The following NBEA variants were observed in gnomAD, a reference collection of about 807,000 sequenced individuals.
NBEA encodes lysosomal-trafficking regulator 2.
In NBEA, 44 loss-of-function variants were observed where a neutral mutation model predicts 343.4. That is an observed-to-expected ratio of 0.13 (90% CI 0.10 to 0.16). The LOEUF (loss-of-function observed/expected upper bound fraction) is 0.16. NBEA is among the 10% of genes least tolerant of loss of function. The pLI, the probability that NBEA is intolerant of heterozygous loss-of-function variation, is 1.00. For missense variants in NBEA, 2,555 were observed against 3,631.3 expected (o/e 0.70, Z 7.62); for synonymous variants, 1,175 against 1,238.7 (o/e 0.95, Z 1.08).
chr13:35,098,833 A>G (rs2065470306), intron 11 of NBEA, among the ~76,000 whole-genome samples: 2 of 152,006 alleles, frequency 1.3e-5, no homozygotes, highest in Admixed American at 1.3e-4. Context: ...CTCTTCATCA[A>G]GCCCTGGACA....
At chr13:35,036,359 T>G (rs950393209) in intron 1 of NBEA, among the ~76,000 whole-genome samples, 2 of 152,158 alleles carry the variant, frequency 1.3e-5, no homozygotes, top group Non-Finnish European at 2.9e-5. Context: ...GCCTATGTCT[T>G]GAAAAGTAGT....
At chr13:35,132,162 A>G (rs997341765) in intron 17 of NBEA, among the ~76,000 whole-genome samples, 5 of 151,988 alleles carry the variant, frequency 3.3e-5, no homozygotes, top group African/African-American at 1.2e-4. Context: ...TATTATTACT[A>G]TTATTATTAT....
intron 17 of NBEA, among the ~76,000 whole-genome samples, chr13:35,140,816 C>A (rs1026600158): frequency 1.3e-5 from 2 of 152,268 alleles, no homozygotes; most frequent in Middle Eastern, 3.4e-3. Flanking sequence ...AAATTCTAGT[C>A]ACTTACCAGG....
At chr13:35,259,144 T>G (rs1173251961) in intron 34 of NBEA, among the ~76,000 whole-genome samples, 2 of 152,202 alleles carry the variant, frequency 1.3e-5, no homozygotes, top group African/African-American at 4.8e-5. Flanking sequence ...GAAGTTAGTT[T>G]TCTCCATTTT....
rs571178184 is a variant in NBEA, at chr13:35,564,546, A to C, written c.6923-2359A>C. ...TAGGTTAGCATACATATGAACTATT[A>C]GTAATAAATTTTCAAGTTTAGAATT... On this transcript the variant is annotated intron_variant, in intron 44 of 58. Coordinates refer to ENST00000379939, the MANE Select transcript of NBEA (RefSeq NM_001385012.1). Among the ~76,000 whole-genome samples the C allele has an allele frequency of 3.3e-5, 5 of 152,324 alleles. No individual in the cohort carries two copies. The East Asian group carries it at 9.6e-4, about 29-fold the overall frequency.
At chr13:35,262,472 G>A (rs1440787743) in intron 34 of NBEA, among the ~76,000 whole-genome samples, 1 of 152,160 alleles carries the variant, frequency 6.6e-6, no homozygotes, top group Non-Finnish European at 1.5e-5. Flanking sequence ...ACACAGGAAT[G>A]CTACTGAACA....
intron 9 of NBEA, 52 bp from the exon 10 acceptor site, chr13:35,070,667 T>C: frequency 2.1e-6 from 3 of 1,447,984 alleles, no homozygotes; most frequent in Non-Finnish European, 1.9e-6. Context: ...AAGGAAATAG[T>C]GATGAAATCA....
chr13:35,619,157 G>T (rs1388243850), intron 48 of NBEA, among the ~76,000 whole-genome samples: 3 of 151,198 alleles, frequency 2.0e-5, no homozygotes. Context: ...AGAATTTTAA[G>T]CAAATAACAT....
chr13:34,980,290 G>A (rs891698216), intron 1 of NBEA, among the ~76,000 whole-genome samples: 1 of 151,738 alleles, frequency 6.6e-6, no homozygotes, highest in Non-Finnish European at 1.5e-5. Context: ...TAATGAGGGG[G>A]AAGAGGAGAT....
At chr13:35,061,196 C>T (rs2063454947) in intron 8 of NBEA, among the ~76,000 whole-genome samples, 1 of 151,480 alleles carries the variant, frequency 6.6e-6, no homozygotes, top group Admixed American at 6.6e-5. Flanking sequence ...TTTGTTCTGT[C>T]GAATTTTTGG....
chr13:35,010,744 ATATATATAT>A (rs1566159158), intron 1 of NBEA, among the ~76,000 whole-genome samples: 22,976 of 62,106 alleles, frequency 0.37, 5,680 homozygotes, highest in East Asian at 0.72. Context: ...AAAAAAAAAT[ATATATATAT>A]ATATATATAT....
chr13:35,368,114 A>G (rs1247553654), intron 38 of NBEA, among the ~76,000 whole-genome samples: 1 of 151,538 alleles, frequency 6.6e-6, no homozygotes, highest in African/African-American at 2.4e-5. Context: ...AAAGAATCCT[A>G]TCTGTTGATA....
intron 34 of NBEA, among the ~76,000 whole-genome samples, chr13:35,253,919 T>C (rs1011499817): frequency 1.3e-5 from 2 of 152,188 alleles, no homozygotes; most frequent in Non-Finnish European, 2.9e-5. Flanking sequence ...TTTGATGAAG[T>C]TATGAAGTTC....
intron 55 of NBEA, among the ~76,000 whole-genome samples, chr13:35,663,319 T>G (rs2085193331): frequency 6.6e-6 from 1 of 152,206 alleles, no homozygotes; most frequent in Non-Finnish European, 1.5e-5. Context: ...TTATTTCCTC[T>G]GTGAGATCAA....
At chr13:35,555,398 T>C (rs1300998384) in intron 44 of NBEA, among the ~76,000 whole-genome samples, 1 of 152,076 alleles carries the variant, frequency 6.6e-6, no homozygotes, top group African/African-American at 2.4e-5. Flanking sequence ...GAAATAATAA[T>C]GGGAAAAGTA....
intron 35 of NBEA, among the ~76,000 whole-genome samples, chr13:35,297,684 ATTGCCTTCTG>A (rs1484779841): frequency 1.3e-5 from 2 of 151,860 alleles, no homozygotes; most frequent in Non-Finnish European, 2.9e-5. Flanking sequence ...TTATTTTTCT[ATTGCCTTCTG>A]TTGTGCTTAC....
chr13:35,457,199 T>A (rs1013745202), intron 40 of NBEA, among the ~76,000 whole-genome samples: 1 of 152,078 alleles, frequency 6.6e-6, no homozygotes. Flanking sequence ...AAAACACTTA[T>A]GAAATATTCA....
chr13:35,618,291 AAAT>A (rs1457082687), intron 48 of NBEA, among the ~76,000 whole-genome samples: 3 of 152,252 alleles, frequency 2.0e-5, no homozygotes, highest in Admixed American at 2.0e-4. Context: ...AAAGATGACA[AAAT>A]ATTATAAAAA....
chr13:34,989,609 C>A (rs1301692630), intron 1 of NBEA, among the ~76,000 whole-genome samples: 1 of 150,798 alleles, frequency 6.6e-6, no homozygotes, highest in Non-Finnish European at 1.5e-5. Flanking sequence ...CTGAGGATTA[C>A]AGTTTGACAT....
Sources: allele counts gnomAD v4.1 joint callset (sites outside exome capture counted in the v4.1 genomes callset), GRCh38; gene constraint gnomAD v4.1.1; transcripts MANE v1.5; gene names NCBI Gene and HGNC (gene_info 2026-07-23, HGNC 2026-07-21).